The following ZNF75A variants were observed in gnomAD, a reference collection of about 807,000 sequenced individuals.
ZNF75A encodes the protein zinc finger protein 75A.
ZNF75A carries 36 observed loss-of-function variants against 46.3 expected under a neutral mutation model. The ratio of observed to expected loss-of-function variants is 0.78; its 90% CI spans 0.60 to 1.03. ZNF75A has a LOEUF of 1.03. Among genes scored for constraint, ZNF75A ranks in the 50% least tolerant of loss-of-function variants. ZNF75A has a pLI of 0.00. For missense variants in ZNF75A, 595 were observed against 551.3 expected (o/e 1.08, Z -0.79); for synonymous variants, 234 against 189.9 (o/e 1.23, Z -1.91).
chr16:3,308,728 G>C lies in ZNF75A; in HGVS notation c.300G>C (p.Leu100=). 1 of 991,684 alleles carries C rather than the reference G, an allele frequency of 1.0e-6. No individual in the cohort carries two copies. The highest frequency in any genetic ancestry group is 5.2e-4 in the Middle Eastern group (1 of 1,932). The allele number at this position is 991,684 out of a possible 1,614,324, so 61.4% of individuals were successfully genotyped here. ...TGCTGGAGCAGTTCCTGACTATTCT[G>C]CCCAGGGAGACACAGACCCAGATGC... ...LLVLEQFLTI[L]PRETQTQMQK... Residue 100 remains leucine (L), a synonymous_variant, in exon 2 of 7, where the codon CTG becomes CTC. Transcript: ENST00000669516.
In ZNF75A at chr16:3,308,758, G is replaced by T; in HGVS notation, c.330G>T (p.Lys110Asn). The T allele has an allele frequency of 2.0e-5, 20 of 988,106 alleles. No individual in the cohort carries two copies. Among genetic ancestry groups the T allele is most frequent in the Non-Finnish European group, 2.3e-5 (19 of 830,826 alleles). The allele number at this position is 988,106 out of a possible 1,614,324, so 61.2% of individuals were successfully genotyped here. A position where few individuals can be genotyped will look rare whatever the true frequency, so the allele number is the denominator to read the frequency against. ...GGGAGACACAGACCCAGATGCAGAA[G>T]CACCATCCACAGAGCATTGAGGAGG... ...LPRETQTQMQ[K>N]HHPQSIEEAV... Residue 110 changes from lysine (K) to asparagine (N), a missense_variant, in exon 2 of 7, where the codon AAG becomes AAT. Lys to Asn is a moderately conservative substitution (Grantham distance 94). Coordinates refer to ENST00000669516, the MANE Select transcript of ZNF75A (RefSeq NM_001302109.2).
At chr16:3,315,430 T>C (rs1311575086) in intron 5 of ZNF75A, among the ~76,000 whole-genome samples, 2 of 152,074 alleles carry the variant, frequency 1.3e-5, no homozygotes, top group African/African-American at 2.4e-5. Flanking sequence ...CTCCTGACCT[T>C]GTGATCCACC....
rs1404918649 is a variant in ZNF75A at position 3,308,294 on chromosome 16, T to C, written c.-116-19T>C. ...GTGAGTTTCTTATTGATACATACTT[T>C]TCTTTTTCTTGTCCTCAGTGCTTTT... On this transcript the variant is annotated intron_variant, in intron 1 of 6. Coordinates refer to ENST00000669516, the MANE Select transcript of ZNF75A (RefSeq NM_001302109.2). 8.2e-6 allele frequency: 4 copies of C among 486,846 alleles called. No individual in the cohort carries two copies. The highest frequency in any genetic ancestry group is 1.1e-5 in the Non-Finnish European group (4 of 374,274). The allele number at this position is 486,846 out of a possible 1,614,324, so 30.2% of individuals were successfully genotyped here.
At position 3,318,654 on chromosome 16, in the gene ZNF75A, G is replaced by A. The variant is rs1961403406; in HGVS notation, c.*785G>A. On this transcript the variant is annotated 3_prime_UTR_variant, in exon 7 of 7. Transcript: ENST00000669516. ...CCCAAGGCCTGAAAGAGAATTAGTG[G>A]GAATTAAGATCAACTTCTCAGTTTT... 1.0e-6 allele frequency: 1 copy of A among 985,366 alleles called. No homozygotes were observed. Among genetic ancestry groups the A allele is most frequent in the South Asian group, 4.7e-5 (1 of 21,290 alleles). 61.0% of individuals were successfully genotyped at this position (985,366 alleles called of 1,614,324 possible). A position where few individuals can be genotyped will look rare whatever the true frequency, so the allele number is the denominator to read the frequency against.
In ZNF75A at chr16:3,318,093, C is replaced by A; in HGVS notation, c.*224C>A. On this transcript the variant is annotated 3_prime_UTR_variant, in exon 7 of 7. Transcript: ENST00000669516. Reference sequence around the variant, plus strand: ...TTGGCTTTGTATTGATCTCTCCAGTCATTTTTGAACACATCCAATAGAAAC... The same window carrying A: ...TTGGCTTTGTATTGATCTCTCCAGTAATTTTTGAACACATCCAATAGAAAC... 7.7e-7 allele frequency: 1 copy of A among 1,294,922 alleles called. No individual in the cohort carries two copies. The highest frequency in any genetic ancestry group is 9.8e-7 in the Non-Finnish European group (1 of 1,024,482). 80.2% of individuals were successfully genotyped at this position (1,294,922 alleles called of 1,614,324 possible). A position where few individuals can be genotyped will look rare whatever the true frequency, so the allele number is the denominator to read the frequency against.
At chr16:3,314,958 TG>T (rs1961089870) in intron 5 of ZNF75A, 1 of 985,252 alleles carries the variant, frequency 1.0e-6, no homozygotes. Flanking sequence ...AGGGTCTCAG[TG>T]TTCCAGGAGC....
intron 5 of ZNF75A, chr16:3,314,856 G>A (rs1387443390): frequency 1.0e-6 from 1 of 985,298 alleles, no homozygotes; most frequent in East Asian, 1.1e-4. Flanking sequence ...AAAACTGTAA[G>A]ACTGTCATTT....
In ZNF75A at chr16:3,317,965, A is replaced by T. The variant is rs532664687; in HGVS notation, c.*96A>T. The stretch of plus-strand genomic sequence containing the variant: ...AAAGAAAAATCACAAACCTTGAAAA[A>T]TTTTACATCAGAAAATGGGATAAAC... On this transcript the variant is annotated 3_prime_UTR_variant, in exon 7 of 7. Coordinates refer to ENST00000669516, the MANE Select transcript of ZNF75A (RefSeq NM_001302109.2). 1 of 1,469,756 alleles carries T rather than the reference A, an allele frequency of 6.8e-7. No individual in the cohort carries two copies. The highest frequency in any genetic ancestry group is 1.4e-5 in the African/African-American group (1 of 70,846). The allele number at this position is 1,469,756 out of a possible 1,614,324, so 91.0% of individuals were successfully genotyped here.
In ZNF75A at chr16:3,317,901, G is replaced by A. The variant is rs765379003; in HGVS notation, c.*32G>A. Reference sequence around the variant, plus strand: ...GCTTGTCCAGTGTCCTCATTCTGAAGACATTCACCAAATGGAGCTTGGCAC... The same window carrying A: ...GCTTGTCCAGTGTCCTCATTCTGAAAACATTCACCAAATGGAGCTTGGCAC... On this transcript the variant is annotated 3_prime_UTR_variant, in exon 7 of 7. Transcript: ENST00000669516. 2 of 1,533,850 alleles carry A rather than the reference G, an allele frequency of 1.3e-6. No homozygotes were observed. The highest frequency in any genetic ancestry group is 1.8e-6 in the Non-Finnish European group (2 of 1,142,048).
downstream of ZNF75A, among the ~76,000 whole-genome samples, chr16:3,319,792 T>A (rs1472861746): frequency 1.7e-5 from 2 of 115,680 alleles, no homozygotes; most frequent in African/African-American, 2.7e-5. Context: ...CATTTTTTTT[T>A]TTTTATTTTT....
Position 3,318,190 on chromosome 16 carries a change from T to G in ZNF75A, c.*321T>G. On this transcript the variant is annotated 3_prime_UTR_variant, in exon 7 of 7. Transcript: ENST00000669516. ...TAATTGCATACCATTCTCTTCACAG[T>G]AGCAGGCTTACCAATTTCCATAGTC... 9.6e-7 allele frequency: 1 copy of G among 1,046,574 alleles called. No homozygotes were observed. Among genetic ancestry groups the G allele is most frequent in the Non-Finnish European group, 1.1e-6 (1 of 869,990 alleles). 64.8% of individuals were successfully genotyped at this position (1,046,574 alleles called of 1,614,324 possible). A position where few individuals can be genotyped will look rare whatever the true frequency, so the allele number is the denominator to read the frequency against.
intron 6 of ZNF75A, 24 bp from the exon 7 acceptor site, chr16:3,317,166 G>T: frequency 6.3e-7 from 1 of 1,584,242 alleles, no homozygotes; most frequent in Non-Finnish European, 8.6e-7. Context: ...GGATACAGAT[G>T]TGTGATTATG....
downstream of ZNF75A, among the ~76,000 whole-genome samples, chr16:3,319,355 TCCAC>T (rs1254133728): frequency 1.3e-5 from 2 of 152,132 alleles, no homozygotes; most frequent in African/African-American, 4.8e-5. Flanking sequence ...CCTCAAGTGA[TCCAC>T]CCGCCTCGGC....
At chr16:3,308,063 A>G (rs1960424271) in intron 1 of ZNF75A, 1 of 152,152 alleles carries the variant, frequency 6.6e-6, no homozygotes, top group Non-Finnish European at 1.5e-5. Flanking sequence ...GTGGGTGCCA[A>G]TTTTCTTACC....
downstream of ZNF75A, chr16:3,322,771 A>G (rs2029992489): frequency 3.1e-6 from 1 of 327,162 alleles, no homozygotes; most frequent in South Asian, 1.2e-4. Flanking sequence ...CTTTCTTCCT[A>G]TGTGTATTTC....
chr16:3,311,440 A>T (rs1038571018), intron 2 of ZNF75A, among the ~76,000 whole-genome samples: 1 of 134,460 alleles, frequency 7.4e-6, no homozygotes, highest in African/African-American at 3.9e-5. Flanking sequence ...CTCATCTCAA[A>T]AAAAAAAAAA....
downstream of ZNF75A, among the ~76,000 whole-genome samples, chr16:3,321,984 A>G (rs931502856): frequency 1.3e-5 from 2 of 152,198 alleles, no homozygotes; most frequent in African/African-American, 4.8e-5. Context: ...TTTTCCAAAT[A>G]TTTGTTGAGT....
rs111551659 is a variant in ZNF75A at position 3,318,162 on chromosome 16, G to GT, written c.*296dup. ...CAAAACAAAAAGCAGTAACATGCAT[G>GT]TTTAATTGCATACCATTCTCTTCAC... On this transcript the variant is annotated 3_prime_UTR_variant, in exon 7 of 7. Transcript: ENST00000669516. The GT allele has an allele frequency of 3.3e-3, 3,772 of 1,131,678 alleles. 119 individuals are homozygous for GT. In the African/African-American group the frequency reaches 0.055, roughly 16 times the overall value. The allele number at this position is 1,131,678 out of a possible 1,614,324, so 70.1% of individuals were successfully genotyped here.
chr16:3,308,656 GC>G lies in ZNF75A; in HGVS notation c.229del (p.Leu77Ter). On this transcript the variant is annotated frameshift_variant, in exon 2 of 7. Coordinates refer to ENST00000669516, the MANE Select transcript of ZNF75A (RefSeq NM_001302109.2). LOFTEE classifies it high-confidence loss of function. ...SKLQELCHLWLKPEIHSKEQI... is the reference protein window; with the variant it reads ...SKLQELCHLWXKPEIHSKEQI... ...AACTTCAAGAATTATGTCATCTATGGCTGAAGCCAGAGATCCACTCAAAAGA... is the reference window on the plus strand; with the variant it reads ...AACTTCAAGAATTATGTCATCTATGGTGAAGCCAGAGATCCACTCAAAAGA... 1.0e-6 allele frequency: 1 copy of G among 988,362 alleles called. No individual in the cohort carries two copies. Among genetic ancestry groups the G allele is most frequent in the Non-Finnish European group, 1.2e-6 (1 of 830,714 alleles). The allele number at this position is 988,362 out of a possible 1,614,324, so 61.2% of individuals were successfully genotyped here.
Sources: gnomAD v4.1 joint callset for allele counts (sites outside exome capture counted in the v4.1 genomes callset) on GRCh38, gnomAD v4.1.1 for gene constraint, MANE v1.5 for transcripts, NCBI Gene and HGNC (gene_info 2026-07-23, HGNC 2026-07-21) for gene names.